EYS: variants seen among roughly 807,000 people sequenced by gnomAD.
The protein encoded by EYS is EGF-like photoreceptor maintenance factor, also known as protein eyes shut homolog.
EYS carries 250 observed loss-of-function variants against 282.1 expected under a neutral mutation model. That is an observed-to-expected ratio of 0.89 (90% CI 0.80 to 0.98). EYS has a LOEUF of 0.98. Among genes scored for constraint, EYS ranks in the 50% least tolerant of loss-of-function variants. EYS has a pLI of 0.00. For missense variants in EYS, 4,016 were observed against 3,709.0 expected, an observed-to-expected ratio of 1.08 and a Z score of -2.15; for synonymous variants, 1,355 against 1,282.9, an observed-to-expected ratio of 1.06 and a Z score of -1.20.
intron 30 of EYS, among the ~76,000 whole-genome samples, chr6:64,290,781 G>A (rs994966657): frequency 4.0e-5 from 6 of 151,398 alleles, no homozygotes; most frequent in Admixed American, 2.6e-4. Flanking sequence ...TACTTCATTG[G>A]TGAGAACTAG....
chr6:64,999,412 T>C (rs1029173375), intron 13 of EYS, among the ~76,000 whole-genome samples: 1 of 152,172 alleles, frequency 6.6e-6, no homozygotes, highest in Admixed American at 6.5e-5. Flanking sequence ...CACTGTGATA[T>C]GGAAGTGCTG....
rs530443801 is a variant in EYS, at chr6:65,577,529, G to T, written c.-333+62249C>A. ...CATTAGTCAGGGTAATAATGTTTTT[G>T]GATATAACCCCAAAGACACAGACAA... is the stretch of plus-strand genomic sequence containing the variant. On this transcript the variant is annotated intron_variant, in intron 2 of 42. Transcript: ENST00000503581. Among the ~76,000 whole-genome samples, 8 of 151,764 alleles carry T rather than the reference G, an allele frequency of 5.3e-5. No individual in the cohort carries two copies. In the South Asian group the frequency reaches 1.7e-3, roughly 31 times the overall value.
At position 64,217,219 on chromosome 6, in the gene EYS, G is replaced by A. The variant is rs146359466; in HGVS notation, c.6424+13373C>T. Among the ~76,000 whole-genome samples, 8 of 152,270 alleles carry A rather than the reference G, an allele frequency of 5.3e-5. No homozygotes were observed. The East Asian group carries it at 1.2e-3, about 22-fold the overall frequency. On this transcript the variant is annotated intron_variant, in intron 31 of 42. Coordinates refer to ENST00000503581, the MANE Select transcript of EYS (RefSeq NM_001142800.2). Reference sequence around the variant, plus strand: ...CCTCTGACACTAGGTATAAGTCAGTGTAAATATTTGAAATGAACTGCAGAA... The same window carrying A: ...CCTCTGACACTAGGTATAAGTCAGTATAAATATTTGAAATGAACTGCAGAA...
chr6:65,556,525 A>G (rs1768810171), intron 2 of EYS, among the ~76,000 whole-genome samples: 1 of 152,050 alleles, frequency 6.6e-6, no homozygotes, highest in Admixed American at 6.6e-5. Context: ...TATCATTCCT[A>G]TTTTACAGAC....
chr6:64,695,411 C>A (rs553176058), intron 22 of EYS, among the ~76,000 whole-genome samples: 2 of 152,008 alleles, frequency 1.3e-5, no homozygotes, highest in Non-Finnish European at 2.9e-5. Flanking sequence ...GCCCATTGCA[C>A]CCCAGCTACT....
At chr6:65,514,052 A>C (rs1767018208) in intron 2 of EYS, among the ~76,000 whole-genome samples, 1 of 152,068 alleles carries the variant, frequency 6.6e-6, no homozygotes, top group Admixed American at 6.6e-5. Context: ...CCATTGTCTC[A>C]GCCCAAAATC....
intron 18 of EYS, among the ~76,000 whole-genome samples, chr6:64,899,044 T>A (rs1376724615): frequency 6.6e-6 from 1 of 152,024 alleles, no homozygotes; most frequent in Non-Finnish European, 1.5e-5. Context: ...ATTAGACAGA[T>A]CGATGAGACA....
chr6:65,532,643 C>T (rs1230124148), intron 2 of EYS, among the ~76,000 whole-genome samples: 1 of 152,188 alleles, frequency 6.6e-6, no homozygotes, highest in East Asian at 1.9e-4. Flanking sequence ...CACACCAGGA[C>T]AATCAGGAAT....
chr6:64,708,928 G>T (rs890693137), intron 22 of EYS, among the ~76,000 whole-genome samples: 1 of 152,216 alleles, frequency 6.6e-6, no homozygotes. Flanking sequence ...GCAGAAAATA[G>T]CAGACCATTC....
intron 14 of EYS, among the ~76,000 whole-genome samples, chr6:64,985,032 A>G (rs569033875): frequency 6.6e-6 from 1 of 151,584 alleles, no homozygotes; most frequent in South Asian, 2.1e-4. Flanking sequence ...TTTCTGGTAC[A>G]ATCTTTTGTA....
chr6:64,886,146 A>C (rs540021744), intron 19 of EYS, among the ~76,000 whole-genome samples: 1 of 152,060 alleles, frequency 6.6e-6, no homozygotes, highest in South Asian at 2.1e-4. Context: ...GTATTTTGTA[A>C]ATGCAATTTC....
intron 26 of EYS, among the ~76,000 whole-genome samples, chr6:64,510,614 C>G (rs1343617244): frequency 6.6e-6 from 1 of 151,978 alleles, no homozygotes; most frequent in Non-Finnish European, 1.5e-5. Context: ...GTGCGCTGCA[C>G]AAAAAATGAA....
chr6:63,881,519 T>C (rs1409412170), intron 35 of EYS, among the ~76,000 whole-genome samples: 1 of 152,174 alleles, frequency 6.6e-6, no homozygotes, highest in Non-Finnish European at 1.5e-5. Flanking sequence ...TATATATAAA[T>C]TATGAGTTAT....
At chr6:64,899,426 T>C (rs1767578521) in intron 18 of EYS, among the ~76,000 whole-genome samples, 1 of 152,112 alleles carries the variant, frequency 6.6e-6, no homozygotes, top group Admixed American at 6.6e-5. Flanking sequence ...AGTCAGGTTA[T>C]CTCTGTTTGC....
Position 64,869,008 on chromosome 6 carries a change from A to T in EYS, c.2992+17689T>A, listed in dbSNP as rs536583381. Among the ~76,000 whole-genome samples, 30 of 151,634 alleles carry T rather than the reference A, an allele frequency of 2.0e-4. 1 individual carries two copies. The highest frequency in any genetic ancestry group is 7.0e-4 in the African/African-American group (29 of 41,532). On this transcript the variant is annotated intron_variant, in intron 19 of 42. Transcript: ENST00000503581. ...AAGTAAGAGCCTTTTAATCCTTTAA[A>T]CTGTAATTTATTAATTAGGTAATAT...
chr6:65,529,640 T>C (rs1473902549), intron 2 of EYS, among the ~76,000 whole-genome samples: 1 of 152,232 alleles, frequency 6.6e-6, no homozygotes, highest in Non-Finnish European at 1.5e-5. Flanking sequence ...CACATTATTA[T>C]GGACTGAATG....
chr6:65,421,082 C>T (rs1767439277), intron 5 of EYS, among the ~76,000 whole-genome samples: 1 of 151,732 alleles, frequency 6.6e-6, no homozygotes, highest in Non-Finnish European at 1.5e-5. Context: ...CTGCATTAAC[C>T]CCTAGCAAGA....
intron 22 of EYS, among the ~76,000 whole-genome samples, chr6:64,751,110 C>T (rs1387124106): frequency 6.6e-6 from 1 of 151,806 alleles, no homozygotes; most frequent in African/African-American, 2.4e-5. Context: ...ACCTGCCAAC[C>T]TGGATTAGGA....
intron 8 of EYS, among the ~76,000 whole-genome samples, chr6:65,369,316 T>TTATATATATATATTTATATATATATATAA (rs1562127744): frequency 2.4e-5 from 2 of 81,766 alleles, no homozygotes; most frequent in East Asian, 5.9e-4. Flanking sequence ...AATATATATA[T>TTATATATATATATTTATATATATATATAA]TATATATATA....
Sources: gnomAD v4.1 joint callset for allele counts (sites outside exome capture counted in the v4.1 genomes callset) on GRCh38, gnomAD v4.1.1 for gene constraint, MANE v1.5 for transcripts, NCBI Gene and HGNC (gene_info 2026-07-23, HGNC 2026-07-21) for gene names.